The following ERI3 variants were observed in gnomAD, a reference collection of about 807,000 sequenced individuals.
ERI3 encodes ERI1 exoribonuclease 3.
Under a neutral mutation model 44.4 loss-of-function variants are expected in ERI3, and 18 were observed. That is an observed-to-expected ratio of 0.41 (90% confidence interval 0.28 to 0.60). The LOEUF is 0.60. Among genes scored for constraint, ERI3 ranks in the 20% least tolerant of loss-of-function variants. The pLI is 0.36. For synonymous variants in ERI3, 183 were observed against 164.8 expected, an observed-to-expected ratio of 1.11 and a Z score of -0.84; for missense variants, 294 against 435.5, an observed-to-expected ratio of 0.68 and a Z score of 2.89.
chr1:44,335,481 CG>C (rs899587047), intron 3 of ERI3, among the ~76,000 whole-genome samples: 1 of 152,010 alleles, frequency 6.6e-6, no homozygotes, highest in African/African-American at 2.4e-5. Flanking sequence ...AGAATCAGGC[CG>C]GGGGCAGTGG....
At chr1:44,259,042 C>T (rs1156381810) in intron 7 of ERI3, among the ~76,000 whole-genome samples, 4 of 152,168 alleles carry the variant, frequency 2.6e-5, no homozygotes, top group Non-Finnish European at 4.4e-5. Context: ...TCATTCACAA[C>T]AAACATTTAC....
Position 44,221,499 on chromosome 1 carries a change from G to A in ERI3, c.*59C>T. On this transcript the variant is annotated 3_prime_UTR_variant, in exon 9 of 9. Coordinates refer to ENST00000372257, the MANE Select transcript of ERI3 (RefSeq NM_024066.3). The surrounding 1 kb of genome is among the most constrained non-coding windows in gnomAD (Gnocchi z 5.9). ...CCTCTTCCCCTCTGGTGAGGGAGAG[G>A]AGGATTCTGGGCTGGGCCAAACAGC... 7.3e-7 allele frequency: 1 copy of A among 1,367,884 alleles called. No homozygotes were observed. Among genetic ancestry groups the A allele is most frequent in the Non-Finnish European group, 1.0e-6 (1 of 957,214 alleles). 84.7% of individuals were successfully genotyped at this position (1,367,884 alleles called of 1,614,324 possible).
intron 8 of ERI3, among the ~76,000 whole-genome samples, chr1:44,236,447 A>C (rs974706970): frequency 7.2e-5 from 11 of 152,302 alleles, no homozygotes; most frequent in African/African-American, 2.6e-4. Flanking sequence ...GCTGAGAAAA[A>C]GTACACGGGG....
chr1:44,333,375 C>G (rs377188522), intron 3 of ERI3, among the ~76,000 whole-genome samples: 2 of 152,224 alleles, frequency 1.3e-5, no homozygotes, highest in Non-Finnish European at 2.9e-5. Flanking sequence ...GGGCCACAGA[C>G]AGAGGGACCA....
In ERI3 at chr1:44,259,875, CTAGATAGA is replaced by C. The variant is rs71036672; in HGVS notation, c.832-11845_832-11838del. Among the ~76,000 whole-genome samples, 834 of 135,942 alleles carry C rather than the reference CTAGATAGA, an allele frequency of 6.1e-3. 9 individuals carry two copies. The highest frequency in any genetic ancestry group is 0.018 in the African/African-American group (639 of 36,438). The allele number at this position is 135,942 out of a possible 152,430, so 89.2% of individuals were successfully genotyped here. A position where few individuals can be genotyped will look rare whatever the true frequency, so the allele number is the denominator to read the frequency against. ...AGCCTGAGTGACAGAGGAAAACCCT[CTAGATAGA>C]TAGATAGATAGATAGATAGATAGAT... On this transcript the variant is annotated intron_variant, in intron 7 of 8. Transcript: ENST00000372257.
At chr1:44,240,662 CCCT>C (rs1434323929) in intron 8 of ERI3, among the ~76,000 whole-genome samples, 1 of 152,220 alleles carries the variant, frequency 6.6e-6, no homozygotes, top group Non-Finnish European at 1.5e-5. Flanking sequence ...AGATATAAAG[CCCT>C]CTGTACTAAT....
chr1:44,238,298 T>C (rs1484292325), intron 8 of ERI3, among the ~76,000 whole-genome samples: 1 of 151,828 alleles, frequency 6.6e-6, no homozygotes, highest in Non-Finnish European at 1.5e-5. Flanking sequence ...GAGAGACCAA[T>C]GAGGCAGCCG....
chr1:44,314,638 G>C (rs1646046376), intron 4 of ERI3, among the ~76,000 whole-genome samples: 1 of 152,156 alleles, frequency 6.6e-6, no homozygotes, highest in Admixed American at 6.5e-5. Context: ...TCAAAGAGAA[G>C]AAAAGATGGT....
intron 6 of ERI3, among the ~76,000 whole-genome samples, chr1:44,297,042 A>G (rs1236288968): frequency 6.6e-6 from 1 of 152,014 alleles, no homozygotes; most frequent in Non-Finnish European, 1.5e-5. Context: ...CATTGCTGTC[A>G]CTCTGTTAAC....
intron 6 of ERI3, among the ~76,000 whole-genome samples, chr1:44,308,104 A>G (rs1468101362): frequency 3.9e-5 from 6 of 152,192 alleles, no homozygotes; most frequent in Non-Finnish European, 8.8e-5. Flanking sequence ...GAAGGCCCCA[A>G]CCATCCAGGC....
In ERI3 at chr1:44,339,162, C is replaced by T. The variant is rs189083612; in HGVS notation, c.372G>A (p.Ala124=). 325 of 1,613,964 alleles carry T rather than the reference C, an allele frequency of 2.0e-4. 4 individuals are homozygous for T. The highest frequency in any genetic ancestry group is 1.2e-3 in the South Asian group (110 of 91,066). ...EFCSISTRKL[A]AHGFGASMAA... ...CCATGGATGCGCCAAAGCCGTGGGC[C>T]GCCAGCTTTCTGGTGGATATGGAGC... The change falls in exon 3 of 9, where the codon GCG becomes GCA. Residue 124 remains alanine (A), a synonymous_variant. Coordinates refer to ENST00000372257, the MANE Select transcript of ERI3 (RefSeq NM_024066.3).
chr1:44,341,494 C>G (rs187949405), intron 2 of ERI3, among the ~76,000 whole-genome samples: 1 of 152,326 alleles, frequency 6.6e-6, no homozygotes, highest in African/African-American at 2.4e-5. Context: ...CTAAAATGCT[C>G]CAGACCTCTG....
intron 2 of ERI3, among the ~76,000 whole-genome samples, chr1:44,351,658 C>G (rs1646892818): frequency 1.3e-5 from 2 of 152,136 alleles, no homozygotes; most frequent in South Asian, 4.1e-4. Context: ...TTTCTACTCC[C>G]TGGTCTAATC....
intron 1 of ERI3, chr1:44,354,204 C>T (rs1646951246): frequency 1.0e-6 from 1 of 985,316 alleles, no homozygotes; most frequent in Non-Finnish European, 1.2e-6. Context: ...TGTTTTGCTG[C>T]CCTTCCGCTG....
intron 6 of ERI3, among the ~76,000 whole-genome samples, chr1:44,299,046 G>A (rs774738183): frequency 1.3e-5 from 2 of 152,070 alleles, no homozygotes; most frequent in Non-Finnish European, 2.9e-5. Flanking sequence ...GAGGCACGAG[G>A]GAACTTTCTG....
chr1:44,342,962 G>A (rs536190564), intron 2 of ERI3, among the ~76,000 whole-genome samples: 38 of 138,546 alleles, frequency 2.7e-4, no homozygotes, highest in African/African-American at 9.3e-4. Flanking sequence ...TCCCACCTTG[G>A]CATCCCAAAG....
intron 5 of ERI3, among the ~76,000 whole-genome samples, chr1:44,309,628 G>A (rs761129376): frequency 2.0e-5 from 3 of 151,994 alleles, no homozygotes; most frequent in Admixed American, 6.5e-5. Context: ...GCAGTGGCAC[G>A]ATCTTGGCTC....
chr1:44,245,226 C>G (rs1336573801), intron 8 of ERI3, among the ~76,000 whole-genome samples: 1 of 152,098 alleles, frequency 6.6e-6, no homozygotes, highest in Non-Finnish European at 1.5e-5. Context: ...CCTCACTGCT[C>G]AAAACCCACG....
chr1:44,286,911 C>G (rs920116657), intron 6 of ERI3, among the ~76,000 whole-genome samples: 1 of 152,112 alleles, frequency 6.6e-6, no homozygotes, highest in African/African-American at 2.4e-5. Context: ...GACAATATGC[C>G]GTGAGTCAGG....
Sources: allele counts gnomAD v4.1 joint callset (sites outside exome capture counted in the v4.1 genomes callset), GRCh38; gene constraint gnomAD v4.1.1; non-coding constraint Gnocchi (gnomAD v3.1); transcripts MANE v1.5; gene names NCBI Gene and HGNC (gene_info 2026-07-23, HGNC 2026-07-21).